RORA: variants seen among roughly 807,000 people sequenced by gnomAD.
The protein encoded by RORA is nuclear receptor ROR-alpha.
A neutral mutation model predicts 69.5 loss-of-function variants in RORA; 7 were observed. That is an observed-to-expected ratio of 0.10 (90% CI 0.06 to 0.19). The LOEUF (loss-of-function observed/expected upper bound fraction) is 0.19, where lower values mean the gene tolerates loss of function less well. Ranked by LOEUF, RORA falls within the 10% of genes least tolerant of loss-of-function variation. The pLI, the probability that RORA is intolerant of heterozygous loss-of-function variation, is 1.00. For missense variants in RORA, 457 were observed against 663.0 expected (o/e 0.69, Z 3.41); for synonymous variants, 261 against 240.8 (o/e 1.08, Z -0.78).
intron 1 of RORA, among the ~76,000 whole-genome samples, chr15:60,979,750 A>G (rs950697321): frequency 7.2e-6 from 1 of 137,944 alleles, no homozygotes; most frequent in Non-Finnish European, 1.6e-5. Flanking sequence ...GTGTGTGTGC[A>G]CGTGTGTGTT....
chr15:60,841,688 C>T (rs1470809480), intron 1 of RORA, among the ~76,000 whole-genome samples: 1 of 152,200 alleles, frequency 6.6e-6, no homozygotes, highest in African/African-American at 2.4e-5. Context: ...GTGGAGCCAA[C>T]ACCCCTCCAC....
intron 2 of RORA, among the ~76,000 whole-genome samples, chr15:60,575,864 C>T (rs889971288): frequency 6.6e-6 from 1 of 152,244 alleles, no homozygotes; most frequent in Admixed American, 6.5e-5. Context: ...TTATCTTACA[C>T]TTCTGTTTCC....
At position 60,488,791 on chromosome 15, in the gene RORA, G is replaced by A. The variant is rs961998118; in HGVS notation, c.*8664C>T. 1 of 152,182 alleles carries A rather than the reference G, an allele frequency of 6.6e-6. No homozygotes were observed. The allele number at this position is 152,182 out of a possible 1,614,324, so 9.4% of individuals were successfully genotyped here. On this transcript the variant is annotated 3_prime_UTR_variant, in exon 11 of 11. Transcript: ENST00000335670. The stretch of plus-strand genomic sequence containing the variant: ...AAACTTGCATGTATATTTACAGAAG[G>A]CTGAGTTTGTTTACTCAAACAGAAG...
At chr15:61,183,367 C>G (rs1269566207) in intron 1 of RORA, among the ~76,000 whole-genome samples, 1 of 151,998 alleles carries the variant, frequency 6.6e-6, no homozygotes, top group African/African-American at 2.4e-5. Context: ...AAACCCCATC[C>G]CTACTAAAAA....
chr15:61,151,215 T>C (rs1355144776), intron 1 of RORA, among the ~76,000 whole-genome samples: 6 of 152,184 alleles, frequency 3.9e-5, no homozygotes, highest in Admixed American at 1.3e-4. Flanking sequence ...CCTGATGTTA[T>C]GAGAAAGACA....
intron 1 of RORA, among the ~76,000 whole-genome samples, chr15:60,976,446 A>C (rs572512995): frequency 1.4e-4 from 22 of 152,314 alleles, no homozygotes; most frequent in Admixed American, 3.9e-4. Context: ...TGCAGACCAG[A>C]ATACAGCATA....
At chr15:61,184,403 T>C (rs748488142) in intron 1 of RORA, among the ~76,000 whole-genome samples, 5 of 152,052 alleles carry the variant, frequency 3.3e-5, no homozygotes, top group African/African-American at 4.8e-5. Flanking sequence ...ACCCCTCAAT[T>C]TCCCCCCTAA....
intron 1 of RORA, among the ~76,000 whole-genome samples, chr15:60,724,425 G>A (rs1359788532): frequency 6.6e-6 from 1 of 152,160 alleles, no homozygotes; most frequent in Non-Finnish European, 1.5e-5. Flanking sequence ...GCTAGTATGT[G>A]GTAGAACCAA....
intron 2 of RORA, among the ~76,000 whole-genome samples, chr15:60,620,469 T>C (rs1320662950): frequency 1.3e-5 from 2 of 152,228 alleles, no homozygotes; most frequent in Non-Finnish European, 2.9e-5. Context: ...AAATGGTACG[T>C]ATTTTTAAAT....
intron 1 of RORA, among the ~76,000 whole-genome samples, chr15:61,013,092 GA>G (rs1314298857): frequency 6.6e-5 from 10 of 152,270 alleles, no homozygotes; most frequent in African/African-American, 2.2e-4. Flanking sequence ...TATAACCACA[GA>G]AAGTGAATTC....
chr15:60,617,387 G>A (rs1322059813), intron 2 of RORA, among the ~76,000 whole-genome samples: 1 of 152,112 alleles, frequency 6.6e-6, no homozygotes, highest in Non-Finnish European at 1.5e-5. Flanking sequence ...AGAAACACAG[G>A]AGCAAAGGGT....
intron 1 of RORA, among the ~76,000 whole-genome samples, chr15:61,119,933 CA>C (rs1252028576): frequency 6.6e-6 from 1 of 152,130 alleles, no homozygotes. Context: ...GAGAAGTGTG[CA>C]AATGCTAGTG....
chr15:60,504,427 C>T (rs2065431263), intron 6 of RORA, among the ~76,000 whole-genome samples: 1 of 152,014 alleles, frequency 6.6e-6, no homozygotes, highest in Admixed American at 6.5e-5. Flanking sequence ...CACACCGGTA[C>T]TCCCAGCTAC....
chr15:60,592,911 A>C (rs2068578505), intron 2 of RORA: 1 of 455,142 alleles, frequency 2.2e-6, no homozygotes, highest in Admixed American at 2.4e-5. Context: ...ACCCGACGCC[A>C]CTCTCCCGCT....
intron 1 of RORA, among the ~76,000 whole-genome samples, chr15:60,973,666 A>G (rs1305118338): frequency 6.6e-6 from 1 of 152,214 alleles, no homozygotes; most frequent in East Asian, 1.9e-4. Context: ...AGTTGCCCTC[A>G]CGACCCTTGT....
At chr15:60,683,668 A>ACACG (rs2070691632) in intron 1 of RORA, among the ~76,000 whole-genome samples, 1 of 151,822 alleles carries the variant, frequency 6.6e-6, no homozygotes, top group Non-Finnish European at 1.5e-5. Flanking sequence ...ACACACACAC[A>ACACG]CACACACGGC....
intron 1 of RORA, among the ~76,000 whole-genome samples, chr15:60,763,399 A>G (rs973342132): frequency 6.6e-6 from 1 of 152,158 alleles, no homozygotes; most frequent in Non-Finnish European, 1.5e-5. Context: ...CTCATGCAAG[A>G]AAAAAAGTTC....
intron 1 of RORA, among the ~76,000 whole-genome samples, chr15:61,076,268 G>A (rs2078448244): frequency 1.3e-5 from 2 of 152,154 alleles, no homozygotes; most frequent in Admixed American, 1.3e-4. Context: ...TGATGCTGAC[G>A]CTGCTGGTTC....
intron 1 of RORA, among the ~76,000 whole-genome samples, chr15:60,826,835 C>T (rs908890511): frequency 6.7e-6 from 1 of 149,666 alleles, no homozygotes; most frequent in Non-Finnish European, 1.5e-5. Flanking sequence ...CCATCAAATT[C>T]CAAGCTTAAG....
Sources: gnomAD v4.1 joint callset for allele counts (sites outside exome capture counted in the v4.1 genomes callset) on GRCh38, gnomAD v4.1.1 for gene constraint, MANE v1.5 for transcripts, NCBI Gene and HGNC (gene_info 2026-07-23, HGNC 2026-07-21) for gene names.